Variants in DPP8 observed in about 807,000 individuals in gnomAD.
DPP8 encodes the protein dipeptidyl peptidase 8, also known as DPP VIII.
A neutral mutation model predicts 107.5 loss-of-function variants in DPP8; 31 were observed. That is an observed-to-expected ratio of 0.29 (90% CI 0.22 to 0.39). The LOEUF is 0.39. Among genes scored for constraint, DPP8 ranks in the 10% least tolerant of loss-of-function variants. The pLI is 1.00. For synonymous variants in DPP8, 381 were observed against 356.6 expected (o/e 1.07, Z -0.77); for missense variants, 842 against 1,076.1 (o/e 0.78, Z 3.04).
chr15:65,494,148 C>CTTTTTTT (rs2068327891), intron 5 of DPP8, among the ~76,000 whole-genome samples: 6 of 18,546 alleles, frequency 3.2e-4, no homozygotes, highest in African/African-American at 7.7e-4. Flanking sequence ...GGTTCTATAT[C>CTTTTTTT]CTTTTTTTTT....
At position 65,446,616 on chromosome 15, in the gene DPP8, C is replaced by CT. The variant is rs397969608; in HGVS notation, c.*267dup. ...TAGTATGAATACATGGTGCTAATGT[C>CT]TTTTTTTTTTTTTTTTTTTTAGTAA... is the stretch of plus-strand genomic sequence containing the variant. On this transcript the variant is annotated 3_prime_UTR_variant, in exon 20 of 20. Transcript: ENST00000300141. The CT allele has an allele frequency of 0.081, 9,686 of 119,048 alleles. 407 individuals carry two copies. The highest frequency in any genetic ancestry group is 0.13 in the African/African-American group (4,345 of 32,480). The allele number at this position is 119,048 out of a possible 1,614,324, so 7.4% of individuals were successfully genotyped here.
intron 9 of DPP8, among the ~76,000 whole-genome samples, 179 bp from the exon 10 acceptor site, chr15:65,480,578 C>G (rs2066830992): frequency 6.6e-6 from 1 of 152,132 alleles, no homozygotes; most frequent in Non-Finnish European, 1.5e-5. Flanking sequence ...TAAGCTTGAA[C>G]AGAATTTATA....
chr15:65,494,021 C>T (rs554451419), intron 5 of DPP8, among the ~76,000 whole-genome samples: 2 of 151,618 alleles, frequency 1.3e-5, no homozygotes, highest in Non-Finnish European at 2.9e-5. Context: ...TCCTAACAAC[C>T]CTATGTTGAT....
intron 1 of DPP8, among the ~76,000 whole-genome samples, chr15:65,514,185 G>A (rs2071154433): frequency 6.6e-6 from 1 of 152,150 alleles, no homozygotes; most frequent in Middle Eastern, 3.2e-3. Context: ...AGCTTATTTT[G>A]TCTTTTTTCA....
At chr15:65,457,284 G>T (rs1420012415) in intron 15 of DPP8, among the ~76,000 whole-genome samples, 1 of 152,134 alleles carries the variant, frequency 6.6e-6, no homozygotes, top group African/African-American at 2.4e-5. Context: ...AACCCAGAAG[G>T]CAGAGAGGTT....
chr15:65,456,050 T>C (rs1288433713), intron 16 of DPP8, among the ~76,000 whole-genome samples, 175 bp downstream of exon 16: 2 of 152,168 alleles, frequency 1.3e-5, no homozygotes, highest in Non-Finnish European at 2.9e-5. Flanking sequence ...AAGTTACGTA[T>C]AAGTAGGGTG....
At chr15:65,478,812 T>G in intron 11 of DPP8, 68 bp downstream of exon 11, 2 of 1,112,072 alleles carry the variant, frequency 1.8e-6, no homozygotes, top group Non-Finnish European at 2.6e-6. Flanking sequence ...AAAAGATACA[T>G]TCCCCTGTCC....
chr15:65,494,145 T>C (rs867513113), intron 5 of DPP8, among the ~76,000 whole-genome samples: 3 of 81,178 alleles, frequency 3.7e-5, no homozygotes, highest in African/African-American at 1.5e-4. Context: ...ACCGGTTCTA[T>C]ATCCTTTTTT....
intron 4 of DPP8, among the ~76,000 whole-genome samples, chr15:65,499,918 G>A (rs890621393): frequency 2.6e-5 from 4 of 151,930 alleles, no homozygotes; most frequent in Non-Finnish European, 5.9e-5. Context: ...TTTGTTTTGA[G>A]ATAAGGTTTT....
chr15:65,456,421 C>T, intron 15 of DPP8, 50 bp from the exon 16 acceptor site: 1 of 1,551,494 alleles, frequency 6.4e-7, no homozygotes, highest in Non-Finnish European at 8.7e-7. Flanking sequence ...ATATAAAAAC[C>T]CAAGAGCGGC....
intron 3 of DPP8, chr15:65,502,973 T>C (rs981607385): frequency 2.0e-5 from 3 of 152,196 alleles, no homozygotes; most frequent in Non-Finnish European, 4.4e-5. Context: ...TATGCATGGA[T>C]TGGAAGACAG....
At chr15:65,513,882 C>A (rs1460650328) in intron 1 of DPP8, among the ~76,000 whole-genome samples, 8 of 152,110 alleles carry the variant, frequency 5.3e-5, no homozygotes, top group African/African-American at 1.9e-4. Flanking sequence ...CATGACACTG[C>A]CAAAAAGAAG....
chr15:65,473,487 T>C (rs1401610898), intron 12 of DPP8, among the ~76,000 whole-genome samples: 2 of 151,756 alleles, frequency 1.3e-5, no homozygotes, highest in Non-Finnish European at 2.9e-5. Flanking sequence ...AGACAATATA[T>C]ATGAGACCCT....
intron 10 of DPP8, 80 bp downstream of exon 10, chr15:65,480,142 T>C: frequency 1.6e-6 from 2 of 1,286,380 alleles, no homozygotes; most frequent in Admixed American, 2.5e-5. Context: ...AAAAAATGCA[T>C]TTTGATAGTT....
intron 15 of DPP8, among the ~76,000 whole-genome samples, chr15:65,462,626 C>G (rs1022344938): frequency 6.6e-6 from 1 of 152,090 alleles, no homozygotes; most frequent in Non-Finnish European, 1.5e-5. Flanking sequence ...TGTCACCAGG[C>G]TGGAGTACAG....
chr15:65,500,592 C>T lies in DPP8; in HGVS notation c.546+14G>A. The T allele has an allele frequency of 1.2e-6, 2 of 1,611,320 alleles. No individual in the cohort carries two copies. Among genetic ancestry groups the T allele is most frequent in the Non-Finnish European group, 1.7e-6 (2 of 1,177,820 alleles). The stretch of plus-strand genomic sequence containing the variant: ...GACCCAAACCAGATTTAATCACTAG[C>T]AACTCCAACTTACCGTAAATCCTTG... On this transcript the variant is annotated intron_variant, in intron 4 of 19. Transcript: ENST00000300141.
chr15:65,492,223 T>C (rs1230864140), intron 5 of DPP8, among the ~76,000 whole-genome samples: 2 of 151,918 alleles, frequency 1.3e-5, no homozygotes, highest in African/African-American at 4.8e-5. Context: ...GTGCCTATGG[T>C]CCCAGTTACT....
chr15:65,505,680 G>A (rs2069872392), intron 3 of DPP8, among the ~76,000 whole-genome samples: 1 of 152,180 alleles, frequency 6.6e-6, no homozygotes, highest in Non-Finnish European at 1.5e-5. Context: ...GCCAGGTGCA[G>A]TGGCTCACAC....
intron 12 of DPP8, among the ~76,000 whole-genome samples, chr15:65,471,470 C>T (rs187970994): frequency 6.6e-6 from 1 of 151,408 alleles, no homozygotes; most frequent in Admixed American, 6.6e-5. Context: ...CCTCAGCCTC[C>T]TTAGTTACTG....
Sources: allele counts gnomAD v4.1 joint callset (sites outside exome capture counted in the v4.1 genomes callset), GRCh38; gene constraint gnomAD v4.1.1; transcripts MANE v1.5; gene names NCBI Gene and HGNC (gene_info 2026-07-23, HGNC 2026-07-21).